The following WDR86 variants were observed in gnomAD, a reference collection of about 807,000 sequenced individuals.
WDR86 encodes WD repeat-containing protein 86.
Under a neutral mutation model 36.5 loss-of-function variants are expected in WDR86, and 30 were observed. The observed-to-expected ratio is 0.82, with a 90% CI of 0.61 to 1.11. WDR86 has a LOEUF of 1.11. Among genes scored for constraint, WDR86 ranks in the 50% most tolerant of loss-of-function variants. WDR86 has a pLI of 0.00. For synonymous variants in WDR86, 255 were observed against 252.9 expected (o/e 1.01, Z -0.08); for missense variants, 545 against 561.2 (o/e 0.97, Z 0.29).
At chr7:151,402,089 A>ATATATATATCTATC (rs1213348920) in intron 1 of WDR86, among the ~76,000 whole-genome samples, 1 of 124,312 alleles carries the variant, frequency 8.0e-6, no homozygotes, top group Non-Finnish European at 1.7e-5. Flanking sequence ...ATATATATAT[A>ATATATATATCTATC]TATCTCCACA....
Position 151,388,594 on chromosome 7 carries a change from T to C in WDR86, c.727-3371A>G, listed in dbSNP as rs1799163226. Among the ~76,000 whole-genome samples, 1 of 152,226 alleles carries C rather than the reference T, an allele frequency of 6.6e-6. No homozygotes were observed. The highest frequency in any genetic ancestry group is 1.5e-5 in the Non-Finnish European group (1 of 68,034). Reference sequence around the variant, plus strand: ...GCTCCTGGCTCTGTCCCCACCTGGCTTCTGGGACCCCTGAGATCGGTGGCT... The same window carrying C: ...GCTCCTGGCTCTGTCCCCACCTGGCCTCTGGGACCCCTGAGATCGGTGGCT... On this transcript the variant is annotated intron_variant, in intron 3 of 5. Transcript: ENST00000334493. The surrounding 1 kb of genome is among the most constrained non-coding windows in gnomAD (Gnocchi z 4.2).
intron 3 of WDR86, among the ~76,000 whole-genome samples, chr7:151,387,410 C>T (rs1385553095): frequency 6.6e-6 from 1 of 152,102 alleles, no homozygotes; most frequent in African/African-American, 2.4e-5. Flanking sequence ...CCACACAGGC[C>T]GAGGGGGCGC....
In WDR86 at chr7:151,375,983, C is replaced by T. The variant is rs369641442; in HGVS notation, n.1307G>A. ...TTTGTGCCCTCAGCTTGGACAGCCTCGGGTGGGGTTGCTTGGGGTAACCCG... is the reference window on the plus strand; with the variant it reads ...TTTGTGCCCTCAGCTTGGACAGCCTTGGGTGGGGTTGCTTGGGGTAACCCG... On this transcript the variant is annotated non_coding_transcript_exon_variant, in exon 2 of 2. Transcript: ENST00000463000. 135 of 1,364,850 alleles carry T rather than the reference C, an allele frequency of 9.9e-5. 2 individuals carry two copies. In the Middle Eastern group the frequency reaches 1.1e-3, roughly 11 times the overall value. The allele number at this position is 1,364,850 out of a possible 1,614,324, so 84.5% of individuals were successfully genotyped here.
At chr7:151,408,171 A>C (rs2150882772) in intron 1 of WDR86, among the ~76,000 whole-genome samples, 1 of 148,858 alleles carries the variant, frequency 6.7e-6, no homozygotes, top group South Asian at 2.2e-4. Flanking sequence ...ATCTGCCCTA[A>C]CTATGTAATA....
downstream of WDR86, among the ~76,000 whole-genome samples, chr7:151,375,231 T>G (rs1365908829): frequency 6.6e-6 from 1 of 152,198 alleles, no homozygotes; most frequent in Non-Finnish European, 1.5e-5. Flanking sequence ...AATTTTAAAT[T>G]TTTATTTGAA....
chr7:151,373,398 G>T (rs1322623998), downstream of WDR86, among the ~76,000 whole-genome samples: 8 of 152,218 alleles, frequency 5.3e-5, no homozygotes, highest in Non-Finnish European at 2.9e-5. Context: ...GAACTCTCCT[G>T]ATTGGCCCTG....
chr7:151,375,809 T>A, downstream of WDR86: 1 of 1,358,406 alleles, frequency 7.4e-7, no homozygotes, highest in Non-Finnish European at 1.1e-6. Flanking sequence ...GTGTGAAGAG[T>A]TCTTAGTGAT....
chr7:151,384,240 A>G (rs952574859), intron 4 of WDR86, among the ~76,000 whole-genome samples: 3 of 152,338 alleles, frequency 2.0e-5, no homozygotes, highest in African/African-American at 7.2e-5. Context: ...GACAGACAGC[A>G]GGTTGCCTGC....
Position 151,395,639 on chromosome 7 carries a change from G to C in WDR86, c.726+137C>G, listed in dbSNP as rs559937180. On this transcript the variant is annotated intron_variant, in intron 3 of 5. Coordinates refer to ENST00000334493, the MANE Select transcript of WDR86 (RefSeq NM_198285.3). ...GGATTCCCAGCCCCAGGACCGCAAG[G>C]CCTCCGTGGCGCTTGCCAGGCCCCC... The C allele has an allele frequency of 1.5e-4, 164 of 1,071,426 alleles. No homozygotes were observed. The South Asian group carries it at 2.7e-3, about 18-fold the overall frequency. 66.4% of individuals were successfully genotyped at this position (1,071,426 alleles called of 1,614,324 possible).
At chr7:151,400,844 T>C (rs1800232241) in intron 1 of WDR86, among the ~76,000 whole-genome samples, 1 of 152,240 alleles carries the variant, frequency 6.6e-6, no homozygotes, top group South Asian at 2.1e-4. Context: ...GCATTCGCAC[T>C]GCAGGCAAGC....
At chr7:151,377,553 G>T, downstream of WDR86, 1 of 175,382 alleles carries the variant, frequency 5.7e-6, no homozygotes, top group Non-Finnish European at 1.2e-5. Context: ...GTCCAGGGCA[G>T]GGTCCTGGGA....
At chr7:151,387,697 G>A (rs1799094326) in intron 3 of WDR86, among the ~76,000 whole-genome samples, 1 of 152,152 alleles carries the variant, frequency 6.6e-6, no homozygotes, top group Admixed American at 6.5e-5. Context: ...CCCCGCAGGG[G>A]TGGGAGAAGG....
downstream of WDR86, chr7:151,377,031 C>A: frequency 6.6e-7 from 1 of 1,526,052 alleles, no homozygotes; most frequent in Non-Finnish European, 8.8e-7. Flanking sequence ...CTTACTCCTG[C>A]GGTATTTTAT....
chr7:151,385,974 G>A (rs570345258), intron 3 of WDR86, among the ~76,000 whole-genome samples: 6 of 152,292 alleles, frequency 3.9e-5, no homozygotes, highest in South Asian at 2.1e-4. Context: ...CAGCAGTCAC[G>A]GACGAGAAGG....
chr7:151,399,193 G>A (rs763800837), intron 2 of WDR86, among the ~76,000 whole-genome samples: 41 of 152,260 alleles, frequency 2.7e-4, no homozygotes, highest in Middle Eastern at 6.8e-3. Flanking sequence ...CCAGCTCCCC[G>A]TCCATCGACT....
chr7:151,382,437 G>A (rs1248348292), intron 4 of WDR86, among the ~76,000 whole-genome samples: 1 of 152,200 alleles, frequency 6.6e-6, no homozygotes, highest in Non-Finnish European at 1.5e-5. Flanking sequence ...ACCCCTAGCG[G>A]GGGCGAGCCT....
chr7:151,391,810 G>A lies in WDR86; in HGVS notation c.726+3966C>T, dbSNP rs79675013. On this transcript the variant is annotated intron_variant, in intron 3 of 5. Coordinates refer to ENST00000334493, the MANE Select transcript of WDR86 (RefSeq NM_198285.3). The stretch of plus-strand genomic sequence containing the variant: ...AAACTCCCGTCTACCGAGAATCTAG[G>A]AGTCCAAGTACAGGGGTGCGCCTCC... 2.3e-3 allele frequency among the ~76,000 whole-genome samples: 343 copies of A among 152,148 alleles called. 2 individuals are homozygous for A. The highest frequency in any genetic ancestry group is 8.0e-3 in the African/African-American group (333 of 41,498).
downstream of WDR86, among the ~76,000 whole-genome samples, chr7:151,373,509 G>C (rs1218825874): frequency 1.3e-5 from 2 of 152,210 alleles, no homozygotes; most frequent in Non-Finnish European, 2.9e-5. Context: ...CAAGAGGTTA[G>C]ATGACCTTTG....
chr7:151,381,534 T>G lies in WDR86; in HGVS notation c.*48A>C. Reference sequence around the variant, plus strand: ...CCGCGGGTAGCAGGGCGGGGCGCTCTGGGAGCCGCTGGGTGTCTGGGCTGG... The same window carrying G: ...CCGCGGGTAGCAGGGCGGGGCGCTCGGGGAGCCGCTGGGTGTCTGGGCTGG... On this transcript the variant is annotated 3_prime_UTR_variant, in exon 6 of 6. Transcript: ENST00000334493. This position sits in a 1 kb window ranked among gnomAD's most constrained non-coding sequence, Gnocchi z 4.8. 7.1e-7 allele frequency: 1 copy of G among 1,399,150 alleles called. No homozygotes were observed. Among genetic ancestry groups the G allele is most frequent in the Non-Finnish European group, 9.2e-7 (1 of 1,088,674 alleles). The allele number at this position is 1,399,150 out of a possible 1,614,324, so 86.7% of individuals were successfully genotyped here.
Sources: gnomAD v4.1 joint callset for allele counts (sites outside exome capture counted in the v4.1 genomes callset) on GRCh38, gnomAD v4.1.1 for gene constraint, Gnocchi (gnomAD v3.1) non-coding constraint, MANE v1.5 for transcripts, NCBI Gene and HGNC (gene_info 2026-07-23, HGNC 2026-07-21) for gene names.